Variants in FANCC observed in about 807,000 individuals in gnomAD.
The protein encoded by FANCC is Fanconi anemia group C protein.
A neutral mutation model predicts 71.3 loss-of-function variants in FANCC; 55 were observed. The observed-to-expected ratio is 0.77, with a 90% CI of 0.62 to 0.97. The LOEUF (loss-of-function observed/expected upper bound fraction) is 0.97, where lower values mean the gene tolerates loss of function less well. FANCC is among the 50% of genes least tolerant of loss of function. FANCC has a pLI of 0.00. For missense variants in FANCC, 678 were observed against 670.9 expected (o/e 1.01, Z -0.12); for synonymous variants, 275 against 244.9 (o/e 1.12, Z -1.15).
chr9:95,207,585 C>T (rs1473711182), intron 4 of FANCC, among the ~76,000 whole-genome samples: 1 of 152,098 alleles, frequency 6.6e-6, no homozygotes, highest in Non-Finnish European at 1.5e-5. Context: ...GCAACATTGC[C>T]CATCTCCCTC....
chr9:95,251,861 T>A (rs552653103), intron 1 of FANCC, among the ~76,000 whole-genome samples: 1 of 152,334 alleles, frequency 6.6e-6, no homozygotes, highest in East Asian at 1.9e-4. Context: ...ACCAAGAGAT[T>A]ACATAATTGC....
chr9:95,147,164 C>T (rs1829674919), intron 7 of FANCC, among the ~76,000 whole-genome samples: 1 of 152,032 alleles, frequency 6.6e-6, no homozygotes, highest in South Asian at 2.1e-4. Context: ...GAATGGATCA[C>T]TGGCTTTAAA....
chr9:95,182,120 T>C (rs1826410315), intron 4 of FANCC, among the ~76,000 whole-genome samples: 1 of 152,074 alleles, frequency 6.6e-6, no homozygotes, highest in Non-Finnish European at 1.5e-5. Context: ...AGAGCACGTA[T>C]ATTATGCTTC....
rs56187288 is a variant in FANCC, at chr9:95,311,709, CTGTGTG to C, written c.-79+5811_-79+5816del. Among the ~76,000 whole-genome samples the C allele has an allele frequency of 1.0e-3, 147 of 144,588 alleles. No individual in the cohort carries two copies. The East Asian group carries it at 0.013, about 12-fold the overall frequency. 94.9% of individuals were successfully genotyped at this position (144,588 alleles called of 152,430 possible). On this transcript the variant is annotated intron_variant, in intron 1 of 14. Coordinates refer to ENST00000289081, the MANE Select transcript of FANCC (RefSeq NM_000136.3). Reference sequence around the variant, plus strand: ...ATTGTTTAAATAGTCTCCTCTGAATCTGTGTGTGTGTGTGTGTGTGTGTGTGTGTGT... The same window carrying C: ...ATTGTTTAAATAGTCTCCTCTGAATCTGTGTGTGTGTGTGTGTGTGTGTGT...
At position 95,163,490 on chromosome 9, in the gene FANCC, C is replaced by T. The variant is rs147536526; in HGVS notation, c.521+7589G>A. On this transcript the variant is annotated intron_variant, in intron 6 of 14. Coordinates refer to ENST00000289081, the MANE Select transcript of FANCC (RefSeq NM_000136.3). ...AAAAAATAAAAGAAAAACCAAACGCCACTGACATTTTGATAGAAATAACAC... is the reference window on the plus strand; with the variant it reads ...AAAAAATAAAAGAAAAACCAAACGCTACTGACATTTTGATAGAAATAACAC... 4.7e-3 allele frequency among the ~76,000 whole-genome samples: 719 copies of T among 152,240 alleles called. 6 individuals carry two copies. The highest frequency in any genetic ancestry group is 0.016 in the African/African-American group (683 of 41,532).
intron 1 of FANCC, among the ~76,000 whole-genome samples, chr9:95,268,918 CCAAAGCCGATGCTATGCTATAGCA>C (rs1564813097): frequency 1.3e-5 from 2 of 152,184 alleles, no homozygotes; most frequent in African/African-American, 4.8e-5. Flanking sequence ...CAGAACCTCT[CCAAAGCCGATGCTATGCTATAGCA>C]CAAGAGCACC....
At chr9:95,195,215 A>C (rs1377753627) in intron 4 of FANCC, among the ~76,000 whole-genome samples, 2 of 148,238 alleles carry the variant, frequency 1.3e-5, no homozygotes, top group Non-Finnish European at 3.0e-5. Flanking sequence ...AAAAAAAAAA[A>C]AAAAAACCAA....
chr9:95,241,486 T>A (rs1830624743), intron 3 of FANCC, among the ~76,000 whole-genome samples: 1 of 152,142 alleles, frequency 6.6e-6, no homozygotes, highest in Non-Finnish European at 1.5e-5. Flanking sequence ...TTCCAGCGGA[T>A]GATTTTATAA....
intron 1 of FANCC, among the ~76,000 whole-genome samples, chr9:95,288,257 G>A (rs752149017): frequency 6.6e-6 from 1 of 151,950 alleles, no homozygotes; most frequent in Non-Finnish European, 1.5e-5. Context: ...TATCCAAGTC[G>A]ATCATGTTTG....
At chr9:95,195,637 T>C (rs913232523) in intron 4 of FANCC, among the ~76,000 whole-genome samples, 1 of 152,224 alleles carries the variant, frequency 6.6e-6, no homozygotes, top group African/African-American at 2.4e-5. Context: ...AGTCTGCCTA[T>C]GAATATAAAA....
chr9:95,164,649 T>C (rs1830957796), intron 6 of FANCC, among the ~76,000 whole-genome samples: 1 of 149,600 alleles, frequency 6.7e-6, no homozygotes, highest in Admixed American at 6.6e-5. Flanking sequence ...ATAATTTTCA[T>C]TCAGTCATGG....
intron 6 of FANCC, among the ~76,000 whole-genome samples, chr9:95,152,664 T>A (rs1564700368): frequency 6.6e-6 from 1 of 152,350 alleles, no homozygotes; most frequent in East Asian, 1.9e-4. Flanking sequence ...TAATAGCTTG[T>A]GGGTAAAAGT....
intron 7 of FANCC, among the ~76,000 whole-genome samples, chr9:95,140,802 A>G (rs1470850235): frequency 6.6e-6 from 1 of 152,176 alleles, no homozygotes; most frequent in Non-Finnish European, 1.5e-5. Context: ...GATCTAAGCA[A>G]TGCATCATAA....
rs151100511 is a variant in FANCC, at chr9:95,103,437, G to A, written c.1534-1587C>T. 3.5e-3 allele frequency among the ~76,000 whole-genome samples: 533 copies of A among 152,320 alleles called. 4 individuals carry two copies. Among genetic ancestry groups the A allele is most frequent in the African/African-American group, 0.012 (510 of 41,574 alleles). On this transcript the variant is annotated intron_variant, in intron 14 of 14. Transcript: ENST00000289081. ...TCTCGGAATCTAGCTAACTTTTGCT[G>A]TTGTTGCTGTGGCCCAGCAGCAGGA...
chr9:95,245,297 C>T (rs1390712977), intron 3 of FANCC, among the ~76,000 whole-genome samples: 4 of 152,020 alleles, frequency 2.6e-5, no homozygotes, highest in Admixed American at 6.5e-5. Flanking sequence ...GGGTCATGAA[C>T]ACCATTCACT....
At chr9:95,232,937 A>G (rs1026492445) in intron 4 of FANCC, among the ~76,000 whole-genome samples, 4 of 152,154 alleles carry the variant, frequency 2.6e-5, no homozygotes, top group African/African-American at 4.8e-5. Flanking sequence ...CTTGCAAACA[A>G]ATGTTACAGC....
intron 4 of FANCC, among the ~76,000 whole-genome samples, chr9:95,187,746 T>C (rs1026775357): frequency 6.6e-6 from 1 of 151,978 alleles, no homozygotes; most frequent in Non-Finnish European, 1.5e-5. Context: ...GAGGACAGCA[T>C]AGGGGGAAGC....
chr9:95,182,959 G>A (rs542841658), intron 4 of FANCC, among the ~76,000 whole-genome samples: 2 of 152,088 alleles, frequency 1.3e-5, no homozygotes, highest in East Asian at 3.9e-4. Flanking sequence ...AAGGCTCCCG[G>A]CCCCTACTCC....
In FANCC at chr9:95,148,574, A is replaced by G. The variant is rs1221530703; in HGVS notation, c.686+1349T>C. ...TAAGCTTGACAGCTTCCCAATACTT[A>G]AAGTCATTTCTGATGAGCTCCATGG... On this transcript the variant is annotated intron_variant, in intron 7 of 14. Transcript: ENST00000289081. 4.6e-5 allele frequency among the ~76,000 whole-genome samples: 7 copies of G among 152,332 alleles called. No homozygotes were observed. In the East Asian group the frequency reaches 1.3e-3, roughly 29 times the overall value.
Sources: gnomAD v4.1 joint callset for allele counts (sites outside exome capture counted in the v4.1 genomes callset) on GRCh38, gnomAD v4.1.1 for gene constraint, MANE v1.5 for transcripts, NCBI Gene and HGNC (gene_info 2026-07-23, HGNC 2026-07-21) for gene names.